ZNF407: variants seen among roughly 807,000 people sequenced by gnomAD.
The protein encoded by ZNF407 is zinc finger protein 407.
In ZNF407, 17 loss-of-function variants were observed where a neutral mutation model predicts 131.2. That is an observed-to-expected ratio of 0.13 (90% confidence interval 0.09 to 0.19). The LOEUF is 0.19. ZNF407 is among the 10% of genes least tolerant of loss of function. ZNF407 has a pLI of 1.00. For missense variants in ZNF407, 2,681 were observed against 2,830.6 expected (o/e 0.95, Z 1.20); for synonymous variants, 1,156 against 1,062.0 (o/e 1.09, Z -1.72).
chr18:74,890,883 C>T (rs1460492853), intron 7 of ZNF407, among the ~76,000 whole-genome samples: 2 of 152,032 alleles, frequency 1.3e-5, no homozygotes, highest in Admixed American at 6.6e-5. Flanking sequence ...CGTGTGTGTT[C>T]GGAAAGGATG....
chr18:74,886,221 G>A (rs1289095197), intron 6 of ZNF407, among the ~76,000 whole-genome samples: 3 of 152,158 alleles, frequency 2.0e-5, no homozygotes, highest in Non-Finnish European at 4.4e-5. Flanking sequence ...AAGATCCTCG[G>A]CACCCTCGGA....
intron 1 of ZNF407, among the ~76,000 whole-genome samples, chr18:74,629,573 G>GT (rs1258475833): frequency 4.6e-5 from 7 of 152,112 alleles, no homozygotes; most frequent in South Asian, 4.1e-4. Flanking sequence ...CAATTTACTT[G>GT]TTTTTTTCTC....
At chr18:75,027,831 C>G (rs898143624) in intron 8 of ZNF407, among the ~76,000 whole-genome samples, 1 of 152,158 alleles carries the variant, frequency 6.6e-6, no homozygotes, top group African/African-American at 2.4e-5. Flanking sequence ...GTGAAGGAAA[C>G]AGTGGGCTTC....
At chr18:75,037,508 C>T (rs891800008) in intron 8 of ZNF407, among the ~76,000 whole-genome samples, 1 of 151,840 alleles carries the variant, frequency 6.6e-6, no homozygotes, top group Non-Finnish European at 1.5e-5. Context: ...GGTCTTGTCT[C>T]GATGGCGCCA....
intron 8 of ZNF407, among the ~76,000 whole-genome samples, chr18:75,002,083 A>G (rs1297828882): frequency 6.6e-6 from 1 of 152,236 alleles, no homozygotes; most frequent in Non-Finnish European, 1.5e-5. Flanking sequence ...GAGTGGGCCT[A>G]TGAGGGCTGG....
chr18:74,802,382 C>T (rs957894241), intron 4 of ZNF407, among the ~76,000 whole-genome samples: 1 of 152,010 alleles, frequency 6.6e-6, no homozygotes, highest in African/African-American at 2.4e-5. Context: ...TATTATTTTC[C>T]TAGTGTAAAT....
intron 1 of ZNF407, among the ~76,000 whole-genome samples, chr18:74,615,738 A>T (rs1983257796): frequency 6.6e-6 from 1 of 152,206 alleles, no homozygotes; most frequent in South Asian, 2.1e-4. Context: ...AGGACATTTT[A>T]TGAGACTGCA....
chr18:74,608,355 C>CTTTTTTTTT (rs375136326), intron 1 of ZNF407, among the ~76,000 whole-genome samples: 86 of 146,564 alleles, frequency 5.9e-4, no homozygotes, highest in African/African-American at 1.5e-3. Flanking sequence ...TTTTAGATTT[C>CTTTTTTTTT]TTTTTTTTTT....
intron 4 of ZNF407, among the ~76,000 whole-genome samples, chr18:74,871,466 T>C (rs1971085842): frequency 6.6e-6 from 1 of 152,194 alleles, no homozygotes; most frequent in Non-Finnish European, 1.5e-5. Context: ...ATTGTTTTCA[T>C]AGTTCTATAT....
intron 8 of ZNF407, among the ~76,000 whole-genome samples, chr18:74,931,153 T>C (rs1162608536): frequency 6.6e-6 from 1 of 152,216 alleles, no homozygotes; most frequent in East Asian, 1.9e-4. Flanking sequence ...AATTAGGCAA[T>C]TGTTTCTTGG....
At chr18:75,021,784 CTGA>C (rs1312788452) in intron 8 of ZNF407, among the ~76,000 whole-genome samples, 1 of 151,908 alleles carries the variant, frequency 6.6e-6, no homozygotes, top group East Asian at 1.9e-4. Flanking sequence ...AAACCAAATT[CTGA>C]TGAGAGAACT....
At chr18:74,616,891 A>G (rs942126620) in intron 1 of ZNF407, among the ~76,000 whole-genome samples, 26 of 150,636 alleles carry the variant, frequency 1.7e-4, no homozygotes, top group African/African-American at 5.4e-4. Flanking sequence ...CACACCACAC[A>G]CATCCATATC....
chr18:75,029,441 C>CT (rs1256397119), intron 8 of ZNF407, among the ~76,000 whole-genome samples: 1 of 152,210 alleles, frequency 6.6e-6, no homozygotes, highest in Middle Eastern at 3.2e-3. Flanking sequence ...TCTCTCTCCA[C>CT]TAAGGAAGTG....
Position 75,031,425 on chromosome 18 carries a change from T to C in ZNF407, c.5429-31725T>C, listed in dbSNP as rs983254819. ...TGAAAGAGAAAATGGGTCTTTTTTT[T>C]ATGTAAAGGACATTGATAGTCTTTA... On this transcript the variant is annotated intron_variant, in intron 8 of 8. Transcript: ENST00000299687. Among the ~76,000 whole-genome samples, 5 of 152,224 alleles carry C rather than the reference T, an allele frequency of 3.3e-5. No individual in the cohort carries two copies. In the South Asian group the frequency reaches 1.0e-3, roughly 32 times the overall value.
chr18:74,764,624 T>A (rs1236085696), intron 3 of ZNF407, among the ~76,000 whole-genome samples: 2 of 152,230 alleles, frequency 1.3e-5, no homozygotes, highest in East Asian at 3.8e-4. Context: ...CTAGAGATGA[T>A]CTAAAGTATA....
At chr18:74,673,282 G>A (rs924897714) in intron 3 of ZNF407, among the ~76,000 whole-genome samples, 1 of 152,122 alleles carries the variant, frequency 6.6e-6, no homozygotes, top group Non-Finnish European at 1.5e-5. Context: ...TCAGTTTCAC[G>A]ATTTTAACAC....
chr18:75,030,814 T>C (rs1207282097), intron 8 of ZNF407, among the ~76,000 whole-genome samples: 1 of 152,136 alleles, frequency 6.6e-6, no homozygotes, highest in East Asian at 1.9e-4. Flanking sequence ...ACCCTGCTGC[T>C]GTCTAAGGGA....
At chr18:75,031,185 G>C (rs1387036490) in intron 8 of ZNF407, among the ~76,000 whole-genome samples, 1 of 152,172 alleles carries the variant, frequency 6.6e-6, no homozygotes, top group African/African-American at 2.4e-5. Flanking sequence ...GATTAATAAG[G>C]GGAGTTCAGC....
chr18:74,852,195 ACACG>A (rs1281616919), intron 4 of ZNF407, among the ~76,000 whole-genome samples: 1,318 of 61,952 alleles, frequency 0.021, 15 homozygotes, highest in African/African-American at 0.06. Context: ...ACACACACAC[ACACG>A]CACGCACGCA....
Sources: gnomAD v4.1 joint callset for allele counts (sites outside exome capture counted in the v4.1 genomes callset) on GRCh38, gnomAD v4.1.1 for gene constraint, MANE v1.5 for transcripts, NCBI Gene and HGNC (gene_info 2026-07-23, HGNC 2026-07-21) for gene names.